The following CSNK2A2 variants were observed in gnomAD, a reference collection of about 807,000 sequenced individuals.
CSNK2A2 encodes the protein casein kinase II subunit alpha'.
In CSNK2A2, 8 loss-of-function variants were observed where a neutral mutation model predicts 54.0. The ratio of observed to expected loss-of-function variants is 0.15; its 90% CI spans 0.09 to 0.27. The LOEUF is 0.27. Among genes scored for constraint, CSNK2A2 ranks in the 10% least tolerant of loss-of-function variants. The pLI, the probability that CSNK2A2 is intolerant of heterozygous loss-of-function variation, is 1.00. For missense variants in CSNK2A2, 242 were observed against 439.4 expected (o/e 0.55, Z 4.02); for synonymous variants, 141 against 153.9 (o/e 0.92, Z 0.62).
At chr16:58,182,870 G>A (rs1193461221) in intron 4 of CSNK2A2, among the ~76,000 whole-genome samples, 2 of 152,156 alleles carry the variant, frequency 1.3e-5, no homozygotes, top group East Asian at 1.9e-4. Context: ...GCTACTGAAT[G>A]AAAAAATTTA....
intron 5 of CSNK2A2, 29 bp downstream of exon 5, chr16:58,174,422 A>T: frequency 6.5e-7 from 1 of 1,533,550 alleles, no homozygotes; most frequent in Non-Finnish European, 8.9e-7. Flanking sequence ...AGGCCTGAAA[A>T]AAATTAATGG....
At chr16:58,179,197 AAAATAG>A (rs1961959824) in intron 4 of CSNK2A2, among the ~76,000 whole-genome samples, 1 of 152,138 alleles carries the variant, frequency 6.6e-6, no homozygotes, top group African/African-American at 2.4e-5. Flanking sequence ...GCAAAAAGAT[AAAATAG>A]AAATAGAAAG....
chr16:58,166,711 T>G (rs780618846), intron 8 of CSNK2A2, 27 bp from the exon 9 acceptor site: 2 of 1,530,020 alleles, frequency 1.3e-6, no homozygotes. Context: ...ACTGACCAAA[T>G]CACTGAGCAC....
intron 4 of CSNK2A2, among the ~76,000 whole-genome samples, chr16:58,181,491 A>G (rs191283177): frequency 6.0e-4 from 92 of 152,348 alleles, no homozygotes; most frequent in African/African-American, 2.1e-3. Context: ...AGCAATGAGC[A>G]GACATTCAAA....
chr16:58,191,732 TAGG>T (rs1260738964), intron 2 of CSNK2A2, among the ~76,000 whole-genome samples: 1 of 152,196 alleles, frequency 6.6e-6, no homozygotes, highest in Non-Finnish European at 1.5e-5. Flanking sequence ...TGAATCTCAT[TAGG>T]AGAACACTAC....
chr16:58,185,989 G>C (rs1330102407), intron 3 of CSNK2A2, among the ~76,000 whole-genome samples: 1 of 152,220 alleles, frequency 6.6e-6, no homozygotes, highest in Non-Finnish European at 1.5e-5. Flanking sequence ...TTAGCAGCCA[G>C]AAGCAAAAAC....
chr16:58,175,303 G>A, intron 4 of CSNK2A2, among the ~76,000 whole-genome samples: 1 of 152,120 alleles, frequency 6.6e-6, no homozygotes, highest in East Asian at 1.9e-4. Flanking sequence ...CCCTTGTCAG[G>A]AACTCTCATT....
intron 9 of CSNK2A2, among the ~76,000 whole-genome samples, chr16:58,166,369 C>A (rs1961563454): frequency 6.6e-6 from 1 of 152,028 alleles, no homozygotes; most frequent in South Asian, 2.1e-4. Context: ...TTTTGTTTTA[C>A]CTTTTCTATT....
At chr16:58,160,188 C>T (rs1031133495) in intron 11 of CSNK2A2, 2 of 152,138 alleles carry the variant, frequency 1.3e-5, no homozygotes, top group Non-Finnish European at 2.9e-5. Context: ...CAGGATGTTA[C>T]TCAGTCTTAA....
At chr16:58,194,143 T>C (rs752231419) in intron 2 of CSNK2A2, among the ~76,000 whole-genome samples, 37 of 152,204 alleles carry the variant, frequency 2.4e-4, no homozygotes, top group Non-Finnish European at 4.4e-4. Context: ...TTGGTCACTA[T>C]GTGCATAATA....
intron 8 of CSNK2A2, among the ~76,000 whole-genome samples, chr16:58,166,974 G>A (rs1333026665): frequency 6.6e-6 from 1 of 152,186 alleles, no homozygotes; most frequent in Non-Finnish European, 1.5e-5. Context: ...AGACAAGGAG[G>A]TGCCTGACTT....
At chr16:58,163,944 C>T in intron 11 of CSNK2A2, 110 bp downstream of exon 11, 1 of 862,090 alleles carries the variant, frequency 1.2e-6, no homozygotes, top group Middle Eastern at 2.3e-4. Context: ...CTTTACTCTT[C>T]TGTGCATTTA....
chr16:58,168,836 A>G, intron 5 of CSNK2A2, 143 bp from the exon 6 acceptor site: 1 of 632,322 alleles, frequency 1.6e-6, no homozygotes, highest in Non-Finnish European at 2.8e-6. Context: ...AGAGAAAAAA[A>G]GCGTGCTTCA....
chr16:58,168,794 C>A, intron 5 of CSNK2A2, 101 bp from the exon 6 acceptor site: 3 of 888,646 alleles, frequency 3.4e-6, no homozygotes, highest in Non-Finnish European at 5.3e-6. Flanking sequence ...TGAATACAGT[C>A]CCCCAACGGG....
intron 2 of CSNK2A2, among the ~76,000 whole-genome samples, chr16:58,193,452 C>G (rs1962363640): frequency 6.6e-6 from 1 of 152,164 alleles, no homozygotes; most frequent in South Asian, 2.1e-4. Flanking sequence ...GATAGTCAAT[C>G]TGTTTATAAA....
chr16:58,174,851 C>A (rs1961834873), intron 4 of CSNK2A2, among the ~76,000 whole-genome samples: 1 of 151,138 alleles, frequency 6.6e-6, no homozygotes, highest in South Asian at 2.1e-4. Flanking sequence ...CACATTCTTA[C>A]CGAACATCAA....
chr16:58,182,287 T>C (rs1288556114), intron 4 of CSNK2A2, among the ~76,000 whole-genome samples: 1 of 143,548 alleles, frequency 7.0e-6, no homozygotes, highest in Non-Finnish European at 1.5e-5. Context: ...TCCCAGCACT[T>C]TGGGAGGCCA....
intron 5 of CSNK2A2, among the ~76,000 whole-genome samples, chr16:58,169,616 C>A (rs1961681288): frequency 1.3e-5 from 2 of 152,116 alleles, no homozygotes; most frequent in Non-Finnish European, 2.9e-5. Context: ...AGACCAGCAT[C>A]TATGTGGACA....
intron 3 of CSNK2A2, among the ~76,000 whole-genome samples, chr16:58,185,151 T>C (rs1387897734): frequency 6.6e-6 from 1 of 150,632 alleles, no homozygotes; most frequent in South Asian, 2.1e-4. Flanking sequence ...TAAGGGGTTA[T>C]AGAAAAAAAA....
Sources: allele counts gnomAD v4.1 joint callset (sites outside exome capture counted in the v4.1 genomes callset), GRCh38; gene constraint gnomAD v4.1.1; transcripts MANE v1.5; gene names NCBI Gene and HGNC (gene_info 2026-07-23, HGNC 2026-07-21).